ARMH4: variants seen among roughly 807,000 people sequenced by gnomAD.
ARMH4 encodes armadillo like helical domain containing 4.
ARMH4 carries 49 observed loss-of-function variants against 61.9 expected under a neutral mutation model. The ratio of observed to expected loss-of-function variants is 0.79; its 90% confidence interval spans 0.63 to 1.00. The LOEUF (loss-of-function observed/expected upper bound fraction) is 1.00, where lower values mean the gene tolerates loss of function less well. Ranked by LOEUF, ARMH4 falls within the 50% of genes least tolerant of loss-of-function variation. The pLI is 0.00. For synonymous variants in ARMH4, 368 were observed against 341.5 expected, an observed-to-expected ratio of 1.08 and a Z score of -0.85; for missense variants, 934 against 930.0, an observed-to-expected ratio of 1.00 and a Z score of -0.06.
intron 5 of ARMH4, among the ~76,000 whole-genome samples, chr14:58,040,070 A>G (rs2141180299): frequency 6.6e-6 from 1 of 152,320 alleles, no homozygotes; most frequent in African/African-American, 2.4e-5. Context: ...CAGAAGAACC[A>G]AGAAAGAAAA....
chr14:58,130,447 G>A (rs1887054871), intron 4 of ARMH4, among the ~76,000 whole-genome samples: 2 of 152,150 alleles, frequency 1.3e-5, no homozygotes, highest in Admixed American at 1.3e-4. Context: ...GTCTCTTACT[G>A]CAGCAAACAC....
chr14:58,026,252 A>G (rs540556742), intron 5 of ARMH4, among the ~76,000 whole-genome samples: 1 of 152,164 alleles, frequency 6.6e-6, no homozygotes, highest in East Asian at 1.9e-4. Context: ...CAAAAAGGAA[A>G]GCAATAATAT....
At chr14:58,006,504 C>T (rs1458961220) in intron 6 of ARMH4, among the ~76,000 whole-genome samples, 2 of 152,114 alleles carry the variant, frequency 1.3e-5, no homozygotes, top group Non-Finnish European at 2.9e-5. Flanking sequence ...AACAGCAGCA[C>T]TTTCCTCTTG....
chr14:58,120,567 G>A (rs1185667088), intron 4 of ARMH4, among the ~76,000 whole-genome samples: 1 of 152,152 alleles, frequency 6.6e-6, no homozygotes, highest in African/African-American at 2.4e-5. Context: ...CCAAATATGA[G>A]TAACCATGGC....
intron 2 of ARMH4, among the ~76,000 whole-genome samples, chr14:58,134,613 A>T (rs1887241244): frequency 6.6e-6 from 1 of 152,182 alleles, no homozygotes; most frequent in South Asian, 2.1e-4. Flanking sequence ...TAAGTTATAC[A>T]ATGAAAAATA....
intron 5 of ARMH4, among the ~76,000 whole-genome samples, chr14:58,080,695 A>G (rs1885193889): frequency 6.6e-6 from 1 of 152,122 alleles, no homozygotes; most frequent in African/African-American, 2.4e-5. Flanking sequence ...TCAGGTGTAC[A>G]TGTGCAGGTT....
intron 4 of ARMH4, among the ~76,000 whole-genome samples, chr14:58,099,394 A>C (rs1176400919): frequency 6.6e-6 from 1 of 152,212 alleles, no homozygotes; most frequent in Non-Finnish European, 1.5e-5. Context: ...AGAAAATCCA[A>C]GAAGTGTGTG....
intron 5 of ARMH4, among the ~76,000 whole-genome samples, chr14:58,046,195 G>A (rs1021683562): frequency 2.0e-5 from 3 of 152,108 alleles, no homozygotes; most frequent in East Asian, 1.9e-4. Context: ...TAAATCCCAC[G>A]GTAATGGACC....
chr14:58,084,247 C>A lies in ARMH4; in HGVS notation c.2089+12477G>T, dbSNP rs775678198. ...ACAGAATTTTCCCCATGGTTTGCCC[C>A]ACCTTCTTGTTACTACTGGAGTAAA... On this transcript the variant is annotated intron_variant, in intron 5 of 7. Coordinates refer to ENST00000267485, the MANE Select transcript of ARMH4 (RefSeq NM_001001872.4). 6.0e-4 allele frequency among the ~76,000 whole-genome samples: 92 copies of A among 152,110 alleles called. 1 individual carries two copies. The highest frequency in any genetic ancestry group is 5.7e-4 in the Non-Finnish European group (39 of 68,020).
intron 4 of ARMH4, chr14:58,116,438 G>T (rs1024599331): frequency 5.2e-6 from 2 of 382,702 alleles, no homozygotes; most frequent in Non-Finnish European, 5.4e-6. Flanking sequence ...ACTTTGGGAG[G>T]CCGAGGCAGG....
intron 4 of ARMH4, 109 bp downstream of exon 4, chr14:58,131,403 G>A (rs778192524): frequency 2.3e-6 from 2 of 880,000 alleles, no homozygotes; most frequent in Non-Finnish European, 3.6e-6. Context: ...ACTGTCCTCT[G>A]ATCTATACTG....
chr14:58,145,303 AAAT>A (rs1327582677), intron 1 of ARMH4, among the ~76,000 whole-genome samples: 1 of 152,232 alleles, frequency 6.6e-6, no homozygotes, highest in Non-Finnish European at 1.5e-5. Context: ...TGAGGAATTA[AAAT>A]AATCATTCAA....
intron 5 of ARMH4, among the ~76,000 whole-genome samples, chr14:58,094,993 A>G (rs921619093): frequency 2.0e-5 from 3 of 152,188 alleles, no homozygotes; most frequent in Non-Finnish European, 4.4e-5. Context: ...TCAGTGGTAA[A>G]TTTGCATTGA....
intron 4 of ARMH4, among the ~76,000 whole-genome samples, chr14:58,130,897 A>G (rs1185550005): frequency 1.1e-4 from 16 of 152,252 alleles, no homozygotes; most frequent in Non-Finnish European, 4.4e-5. Context: ...TTCTCAATCC[A>G]GCTTGAATAC....
chr14:58,104,761 C>T (rs1192499639), intron 4 of ARMH4, among the ~76,000 whole-genome samples: 2 of 152,114 alleles, frequency 1.3e-5, no homozygotes, highest in Non-Finnish European at 2.9e-5. Flanking sequence ...CGGTCTTGTC[C>T]CCTGGTATAT....
chr14:58,057,158 G>A (rs1044348182), intron 5 of ARMH4, among the ~76,000 whole-genome samples: 1 of 152,140 alleles, frequency 6.6e-6, no homozygotes, highest in Non-Finnish European at 1.5e-5. Context: ...AACCAATATA[G>A]TATATAACCT....
chr14:58,091,682 T>A (rs1050738894), intron 5 of ARMH4, among the ~76,000 whole-genome samples: 8 of 152,222 alleles, frequency 5.3e-5, no homozygotes, highest in Non-Finnish European at 8.8e-5. Flanking sequence ...AGCAACAGGA[T>A]AAGAAGTGGT....
intron 4 of ARMH4, among the ~76,000 whole-genome samples, chr14:58,105,928 C>A (rs1389814475): frequency 6.6e-6 from 1 of 152,138 alleles, no homozygotes; most frequent in Non-Finnish European, 1.5e-5. Context: ...ACCAACACTT[C>A]TTTTTCACAA....
chr14:58,020,755 G>A (rs187345994), intron 5 of ARMH4, among the ~76,000 whole-genome samples: 1 of 152,320 alleles, frequency 6.6e-6, no homozygotes, highest in Admixed American at 6.5e-5. Context: ...CCAACTGAGT[G>A]GCAGAAATCT....
Sources: gnomAD v4.1 joint callset for allele counts (sites outside exome capture counted in the v4.1 genomes callset) on GRCh38, gnomAD v4.1.1 for gene constraint, MANE v1.5 for transcripts, NCBI Gene and HGNC (gene_info 2026-07-23, HGNC 2026-07-21) for gene names.